The following LINGO2 variants were observed in gnomAD, a reference collection of about 807,000 sequenced individuals.
LINGO2 encodes the protein leucine-rich repeat and immunoglobulin-like domain-containing nogo receptor-interacting protein 2.
LINGO2 carries 14 observed loss-of-function variants against 30.6 expected under a neutral mutation model. The ratio of observed to expected loss-of-function variants is 0.46; its 90% confidence interval spans 0.30 to 0.72. The LOEUF is 0.72. LINGO2 is among the 30% of genes least tolerant of loss of function. The pLI, the probability that LINGO2 is intolerant of heterozygous loss-of-function variation, is 0.07. For missense variants in LINGO2, 729 were observed against 751.7 expected (o/e 0.97, Z 0.35); for synonymous variants, 317 against 288.5 (o/e 1.10, Z -1.00).
the LINGO2 span, among the ~76,000 whole-genome samples, chr9:28,756,383 A>C: frequency 6.1e-3 from 931 of 152,082 alleles, 23 homozygotes; most frequent in African/African-American, 0.021. Context: ...TTTTGATTTT[A>C]CAGGCTCATA....
chr9:28,985,813 G>A, the LINGO2 span, among the ~76,000 whole-genome samples: 1 of 151,940 alleles, frequency 6.6e-6, no homozygotes, highest in Non-Finnish European at 1.5e-5. Context: ...CAATCCCTAA[G>A]TTTTTTATTC....
chr9:28,787,515 G>C, the LINGO2 span, among the ~76,000 whole-genome samples: 1 of 152,080 alleles, frequency 6.6e-6, no homozygotes, highest in Non-Finnish European at 1.5e-5. Flanking sequence ...AACATTGCTT[G>C]ACTTCCCTGT....
chr9:28,049,439 A>G (rs890037404), intron 4 of LINGO2, among the ~76,000 whole-genome samples: 6 of 150,482 alleles, frequency 4.0e-5, no homozygotes, highest in Admixed American at 6.7e-5. Flanking sequence ...CGGGATGGGT[A>G]GAGTTAGCGA....
At chr9:28,385,491 G>C (rs1821541389) in intron 2 of LINGO2, among the ~76,000 whole-genome samples, 1 of 152,090 alleles carries the variant, frequency 6.6e-6, no homozygotes, top group Non-Finnish European at 1.5e-5. Flanking sequence ...TATAGAAAAG[G>C]CACGGATACT....
chr9:29,188,828 G>A, the LINGO2 span, among the ~76,000 whole-genome samples: 1 of 134,380 alleles, frequency 7.4e-6, no homozygotes, highest in Non-Finnish European at 1.6e-5. Context: ...CCAGGCCGGG[G>A]GCTGACCCCC....
chr9:28,757,270 C>T, the LINGO2 span, among the ~76,000 whole-genome samples: 1 of 152,020 alleles, frequency 6.6e-6, no homozygotes, highest in Admixed American at 6.5e-5. Context: ...CAGCCTTGAT[C>T]CGTCTCAGAG....
chr9:28,242,943 A>G (rs942271002), intron 4 of LINGO2, among the ~76,000 whole-genome samples: 1 of 152,326 alleles, frequency 6.6e-6, no homozygotes, highest in African/African-American at 2.4e-5. Flanking sequence ...CGTCATTACC[A>G]GGCCTGCCTT....
At chr9:28,334,462 T>C (rs1179030444) in intron 3 of LINGO2, among the ~76,000 whole-genome samples, 1 of 152,162 alleles carries the variant, frequency 6.6e-6, no homozygotes, top group African/African-American at 2.4e-5. Flanking sequence ...TTTAGGTATC[T>C]AAAATCATAT....
chr9:28,638,056 T>G (rs1249192563), intron 1 of LINGO2, among the ~76,000 whole-genome samples: 1 of 152,202 alleles, frequency 6.6e-6, no homozygotes. Flanking sequence ...GTCAAAGGCC[T>G]TTTCTGCATC....
the LINGO2 span, among the ~76,000 whole-genome samples, chr9:28,940,366 GTGA>G: frequency 6.6e-6 from 1 of 152,048 alleles, no homozygotes; most frequent in Admixed American, 6.6e-5. Flanking sequence ...GCTAATCAGG[GTGA>G]TCCTAGAAGA....
At chr9:28,288,408 A>G (rs1382451998) in intron 4 of LINGO2, among the ~76,000 whole-genome samples, 1 of 152,130 alleles carries the variant, frequency 6.6e-6, no homozygotes, top group African/African-American at 2.4e-5. Flanking sequence ...CTTAAGCTTC[A>G]TGCTTTTTAA....
chr9:28,803,216 T>C, the LINGO2 span, among the ~76,000 whole-genome samples: 2 of 151,990 alleles, frequency 1.3e-5, no homozygotes. Flanking sequence ...TCAGATTAAG[T>C]GGATTACAAA....
chr9:27,999,769 C>A (rs542691656), intron 5 of LINGO2, among the ~76,000 whole-genome samples: 1 of 152,108 alleles, frequency 6.6e-6, no homozygotes, highest in Non-Finnish European at 1.5e-5. Flanking sequence ...TAGATGCTGA[C>A]TTCTAGGACT....
intron 4 of LINGO2, among the ~76,000 whole-genome samples, chr9:28,016,205 A>C (rs1822828139): frequency 6.6e-6 from 1 of 151,966 alleles, no homozygotes; most frequent in Non-Finnish European, 1.5e-5. Flanking sequence ...TCCAAATGGG[A>C]CCTAAAATTA....
chr9:28,738,040 ATTC>A, the LINGO2 span, among the ~76,000 whole-genome samples: 2 of 152,152 alleles, frequency 1.3e-5, no homozygotes, highest in Non-Finnish European at 2.9e-5. Flanking sequence ...CTGATAACCA[ATTC>A]TTCTGCACTC....
chr9:28,431,900 T>C (rs1305573502), intron 2 of LINGO2, among the ~76,000 whole-genome samples: 1 of 151,110 alleles, frequency 6.6e-6, no homozygotes, highest in Non-Finnish European at 1.5e-5. Flanking sequence ...ACATTTTTTT[T>C]CCCTTTCAAA....
the LINGO2 span, among the ~76,000 whole-genome samples, chr9:28,940,377 A>G: frequency 6.6e-6 from 1 of 152,184 alleles, no homozygotes; most frequent in South Asian, 2.1e-4. Context: ...TGATCCTAGA[A>G]GACACATATT....
At chr9:28,500,846 C>A (rs1564246066) in intron 1 of LINGO2, among the ~76,000 whole-genome samples, 1 of 151,992 alleles carries the variant, frequency 6.6e-6, no homozygotes, top group African/African-American at 2.4e-5. Context: ...TTTCCAAAGT[C>A]AAATTACAAA....
At chr9:28,764,514 A>G in the LINGO2 span, among the ~76,000 whole-genome samples, 220 of 152,070 alleles carry the variant, frequency 1.4e-3, 2 homozygotes, top group Non-Finnish European at 2.2e-3. Context: ...CCAGCACAGT[A>G]AAGGCCATAT....
Sources: gnomAD v4.1 joint callset for allele counts (sites outside exome capture counted in the v4.1 genomes callset) on GRCh38, gnomAD v4.1.1 for gene constraint, MANE v1.5 for transcripts, NCBI Gene and HGNC (gene_info 2026-07-23, HGNC 2026-07-21) for gene names.